Variants in USP32 observed in about 807,000 individuals in gnomAD.
The protein encoded by USP32 is ubiquitin carboxyl-terminal hydrolase 32.
A neutral mutation model predicts 204.8 loss-of-function variants in USP32; 59 were observed. The observed-to-expected ratio is 0.29, with a 90% CI of 0.23 to 0.36. The LOEUF (loss-of-function observed/expected upper bound fraction) is 0.36, where lower values mean the gene tolerates loss of function less well. USP32 is among the 10% of genes least tolerant of loss of function. The pLI is 1.00. For synonymous variants in USP32, 517 were observed against 678.4 expected (o/e 0.76, Z 3.70); for missense variants, 1,160 against 1,946.4 (o/e 0.60, Z 7.60).
At position 60,190,675 on chromosome 17, in the gene USP32, C is replaced by T; in HGVS notation, c.3530G>A (p.Arg1177Lys). 1 of 1,592,708 alleles carries T rather than the reference C, an allele frequency of 6.3e-7. No individual in the cohort carries two copies. Among genetic ancestry groups the T allele is most frequent in the Non-Finnish European group, 8.5e-7 (1 of 1,174,608 alleles). ...CAWCPWYRFC[R>K]GCKIDCGEDR... ...TTCCCCACAATCAATTTTACAGCCT[C>T]TGCAAAATCTAAAAAGGGGGAAAAG... Residue 1177 changes from arginine (R) to lysine (K), a missense_variant, in exon 29 of 34, where the codon AGA becomes AAA. Transcript: ENST00000300896.
chr17:60,407,043 C>T (rs934239926), intron 1 of USP32, among the ~76,000 whole-genome samples: 8 of 152,182 alleles, frequency 5.3e-5, no homozygotes, highest in South Asian at 4.1e-4. Context: ...GCAGAACTGA[C>T]GTCATTGAGA....
chr17:60,214,578 T>C (rs1287138464), intron 17 of USP32, 42 bp downstream of exon 17: 2 of 1,569,082 alleles, frequency 1.3e-6, no homozygotes, highest in Non-Finnish European at 1.7e-6. Flanking sequence ...ATTAAACAAA[T>C]ACCAACAATC....
chr17:60,362,163 C>T (rs150998458), intron 1 of USP32, among the ~76,000 whole-genome samples: 29 of 152,230 alleles, frequency 1.9e-4, no homozygotes, highest in South Asian at 8.3e-4. Flanking sequence ...TTCTGTTCCC[C>T]CAGCATCCCT....
At chr17:60,204,004 C>T (rs1037900364) in intron 26 of USP32, among the ~76,000 whole-genome samples, 1 of 152,158 alleles carries the variant, frequency 6.6e-6, no homozygotes. Context: ...TACCAAGTTG[C>T]CACTATACCC....
chr17:60,263,556 G>C (rs2086509388), intron 9 of USP32, among the ~76,000 whole-genome samples: 1 of 152,176 alleles, frequency 6.6e-6, no homozygotes, highest in Admixed American at 6.5e-5. Flanking sequence ...AATGTTCACA[G>C]AAGAGCCAGA....
intron 2 of USP32, among the ~76,000 whole-genome samples, chr17:60,331,920 T>C (rs1259727105): frequency 6.9e-6 from 1 of 144,358 alleles, no homozygotes; most frequent in African/African-American, 2.6e-5. Flanking sequence ...AAATAAACTT[T>C]AATATTAAAA....
At chr17:60,339,766 A>C (rs552329831) in intron 2 of USP32, among the ~76,000 whole-genome samples, 19 of 152,284 alleles carry the variant, frequency 1.2e-4, no homozygotes, top group Middle Eastern at 3.4e-3. Context: ...AATAATTTAG[A>C]AATTTACATT....
chr17:60,275,856 C>A (rs1171460911), intron 5 of USP32, among the ~76,000 whole-genome samples: 1 of 151,242 alleles, frequency 6.6e-6, no homozygotes, highest in Non-Finnish European at 1.5e-5. Flanking sequence ...GGATTACAGG[C>A]ACCTGCCACC....
intron 1 of USP32, among the ~76,000 whole-genome samples, chr17:60,352,651 G>C (rs1489162825): frequency 2.0e-5 from 3 of 152,132 alleles, no homozygotes; most frequent in Non-Finnish European, 4.4e-5. Context: ...CATTGGTGTC[G>C]ATGCAATAAA....
At chr17:60,345,708 A>C (rs1448239090) in intron 1 of USP32, 100 bp from the exon 2 acceptor site, 4 of 1,463,432 alleles carry the variant, frequency 2.7e-6, no homozygotes, top group African/African-American at 2.8e-5. Context: ...GAGGCTAGGC[A>C]CAGTGGCTCA....
chr17:60,343,360 C>T (rs1274965701), intron 2 of USP32, among the ~76,000 whole-genome samples: 1 of 152,194 alleles, frequency 6.6e-6, no homozygotes, highest in African/African-American at 2.4e-5. Context: ...TTCTTCTCAG[C>T]ACCACATCGC....
At position 60,214,037 on chromosome 17, in the gene USP32, G is replaced by T. The variant is rs140243015; in HGVS notation, c.2023-375C>A. Among the ~76,000 whole-genome samples, 1,327 of 151,994 alleles carry T rather than the reference G, an allele frequency of 8.7e-3. 26 individuals carry two copies. The highest frequency in any genetic ancestry group is 0.029 in the African/African-American group (1,220 of 41,456). ...GGCTCACTGCAACCTCTGCCTCTGG[G>T]TTCAAGCAATTCTCCTGCCTCAGCC... On this transcript the variant is annotated intron_variant, in intron 17 of 33. Transcript: ENST00000300896.
intron 19 of USP32, 39 bp from the exon 20 acceptor site, chr17:60,211,553 T>A: frequency 6.3e-7 from 1 of 1,578,628 alleles, no homozygotes; most frequent in Non-Finnish European, 8.6e-7. Flanking sequence ...TTAGCTGTAG[T>A]AATATGCCAT....
intron 11 of USP32, among the ~76,000 whole-genome samples, chr17:60,250,309 G>T (rs2086134715): frequency 6.6e-6 from 1 of 152,058 alleles, no homozygotes; most frequent in South Asian, 2.1e-4. Flanking sequence ...GAAAATATAA[G>T]ATTATATCAA....
chr17:60,281,903 T>TA (rs1164383032), intron 5 of USP32, among the ~76,000 whole-genome samples: 1 of 152,216 alleles, frequency 6.6e-6, no homozygotes, highest in Non-Finnish European at 1.5e-5. Context: ...GCACTTTCAA[T>TA]AATTTCTCCA....
intron 9 of USP32, among the ~76,000 whole-genome samples, chr17:60,263,231 A>G (rs950421725): frequency 2.0e-5 from 3 of 152,110 alleles, no homozygotes; most frequent in Admixed American, 6.5e-5. Flanking sequence ...TATAGATGAG[A>G]ACTACCATGC....
At chr17:60,348,461 T>G (rs1304910252) in intron 1 of USP32, among the ~76,000 whole-genome samples, 2 of 152,124 alleles carry the variant, frequency 1.3e-5, no homozygotes, top group Non-Finnish European at 2.9e-5. Flanking sequence ...CTTATCAAGT[T>G]AAGGCAGAAA....
chr17:60,366,626 T>G (rs1408137799), intron 1 of USP32, among the ~76,000 whole-genome samples: 1 of 151,972 alleles, frequency 6.6e-6, no homozygotes, highest in Non-Finnish European at 1.5e-5. Context: ...ATAAGCCAGG[T>G]GCTGTGGCCC....
intron 5 of USP32, 121 bp downstream of exon 5, chr17:60,288,402 T>A (rs561220489): frequency 4.1e-6 from 5 of 1,216,166 alleles, no homozygotes; most frequent in East Asian, 5.2e-5. Context: ...ATGGTGCCAC[T>A]GCACTCCAGC....
Sources: gnomAD v4.1 joint callset for allele counts (sites outside exome capture counted in the v4.1 genomes callset) on GRCh38, gnomAD v4.1.1 for gene constraint, MANE v1.5 for transcripts, NCBI Gene and HGNC (gene_info 2026-07-23, HGNC 2026-07-21) for gene names.